CAPN14: variants seen among roughly 807,000 people sequenced by gnomAD.
The protein encoded by CAPN14 is calpain-14.
A neutral mutation model predicts 101.3 loss-of-function variants in CAPN14; 94 were observed. The observed-to-expected ratio is 0.93, with a 90% CI of 0.79 to 1.10. The LOEUF is 1.10. Among genes scored for constraint, CAPN14 ranks in the 50% least tolerant of loss-of-function variants. The pLI is 0.00. For synonymous variants in CAPN14, 338 were observed against 317.9 expected (o/e 1.06, Z -0.67); for missense variants, 837 against 828.4 (o/e 1.01, Z -0.13).
intron 13 of CAPN14, among the ~76,000 whole-genome samples, chr2:31,188,664 A>C (rs4245767): frequency 0.26 from 40,196 of 152,154 alleles, 6,843 homozygotes; most frequent in African/African-American, 0.47. Context: ...CGAGACATAA[A>C]AAACAAACAA....
chr2:31,223,169 C>T (rs546179731), intron 2 of CAPN14, among the ~76,000 whole-genome samples: 48 of 152,250 alleles, frequency 3.2e-4, no homozygotes, highest in African/African-American at 1.0e-3. Context: ...CTGACTAAGA[C>T]AAAAGGAGAA....
At chr2:31,176,821 T>C (rs1680319753) in intron 20 of CAPN14, among the ~76,000 whole-genome samples, 179 bp from the exon 21 acceptor site, 1 of 152,214 alleles carries the variant, frequency 6.6e-6, no homozygotes, top group Non-Finnish European at 1.5e-5. Flanking sequence ...CTTCAAGCCT[T>C]TGTCTCTGGA....
chr2:31,199,363 T>A lies in CAPN14; in HGVS notation c.789+107A>T. On this transcript the variant is annotated intron_variant, in intron 7 of 21. Transcript: ENST00000403897. ...AGGCACAGGGACCCACCAAAGACTT[T>A]ACCCACTCTCCAGATGGTACAGAAA... 5.2e-6 allele frequency: 5 copies of A among 966,756 alleles called. No individual in the cohort carries two copies. In the South Asian group the frequency reaches 7.1e-5, roughly 14 times the overall value. 59.9% of individuals were successfully genotyped at this position (966,756 alleles called of 1,614,324 possible).
chr2:31,194,243 T>C (rs1030928053), intron 9 of CAPN14, among the ~76,000 whole-genome samples, 166 bp downstream of exon 9: 1 of 152,194 alleles, frequency 6.6e-6, no homozygotes, highest in Non-Finnish European at 1.5e-5. Context: ...GACCGTTTAT[T>C]TACAGGCACT....
At chr2:31,202,585 T>G (rs534579778) in intron 3 of CAPN14, among the ~76,000 whole-genome samples, 12 of 152,316 alleles carry the variant, frequency 7.9e-5, no homozygotes, top group African/African-American at 2.9e-4. Flanking sequence ...ATTTATGTTC[T>G]TCTGGGAAAG....
In CAPN14 at chr2:31,199,539, A is replaced by G. The variant is rs748072433; in HGVS notation, c.727-7T>C. The G allele has an allele frequency of 6.5e-6, 10 of 1,550,350 alleles. No homozygotes were observed. In the African/African-American group the frequency reaches 1.4e-4, roughly 21 times the overall value. ...CATTCTCCAGAATCTTCTCCTGCAG[A>G]GACAAGAGAGGTCCTGATCAGTCTT... On this transcript the variant is annotated splice_polypyrimidine_tract_variant and splice_region_variant and intron_variant, in intron 6 of 21. Coordinates refer to ENST00000403897, the MANE Select transcript of CAPN14 (RefSeq NM_001145122.2).
chr2:31,191,480 G>C (rs1681176142), intron 11 of CAPN14, 73 bp from the exon 12 acceptor site: 1 of 1,460,456 alleles, frequency 6.8e-7, no homozygotes, highest in African/African-American at 1.4e-5. Flanking sequence ...AGGGAATCTG[G>C]CTCTTTCATA....
intron 12 of CAPN14, among the ~76,000 whole-genome samples, chr2:31,190,912 G>A (rs938143483): frequency 2.6e-5 from 4 of 152,194 alleles, no homozygotes; most frequent in African/African-American, 7.2e-5. Context: ...GCTGAAGCAC[G>A]GAGGTGTTCT....
At chr2:31,218,770 T>C (rs1271201460), upstream of CAPN14, among the ~76,000 whole-genome samples, 3 of 152,136 alleles carry the variant, frequency 2.0e-5, no homozygotes, top group Non-Finnish European at 1.5e-5. Flanking sequence ...GGGTGTCAGG[T>C]TCCACTAACT....
chr2:31,197,775 G>T (rs1342440933), intron 7 of CAPN14, among the ~76,000 whole-genome samples: 1 of 152,180 alleles, frequency 6.6e-6, no homozygotes, highest in African/African-American at 2.4e-5. Flanking sequence ...CACAGAGAAG[G>T]CCACGTGAAG....
intron 1 of CAPN14, among the ~76,000 whole-genome samples, chr2:31,212,328 C>CA (rs201986833): frequency 0.03 from 4,206 of 139,456 alleles, 162 homozygotes; most frequent in African/African-American, 0.089. Context: ...AAAAAAAAAA[C>CA]AAAAAAAACA....
chr2:31,203,877 T>C (rs754497833), intron 2 of CAPN14, among the ~76,000 whole-genome samples: 25 of 152,200 alleles, frequency 1.6e-4, no homozygotes, highest in Non-Finnish European at 3.2e-4. Flanking sequence ...CCTGAAATCT[T>C]GTAGGTAAAT....
chr2:31,215,480 A>C (rs1682599901), intron 1 of CAPN14, among the ~76,000 whole-genome samples: 1 of 152,138 alleles, frequency 6.6e-6, no homozygotes, highest in Non-Finnish European at 1.5e-5. Context: ...CTGTGTACAC[A>C]AACCCCCACC....
In CAPN14 at chr2:31,230,970, CTG is replaced by C. The variant is rs974583751; in HGVS notation, c.-177+2819_-177+2820del. ...GGCTTCCAAATTTCCTGGCTATTTA[CTG>C]TGTTGTTATTCTGTTGGTCTCTGTG... is the stretch of plus-strand genomic sequence containing the variant. On this transcript the variant is annotated intron_variant and NMD_transcript_variant, in intron 1 of 21. Coordinates refer to the CAPN14 transcript ENST00000398824. This position sits in a 1 kb window ranked among gnomAD's most constrained non-coding sequence, Gnocchi z 4.3. Among the ~76,000 whole-genome samples, 48 of 152,312 alleles carry C rather than the reference CTG, an allele frequency of 3.2e-4. No individual in the cohort carries two copies. Among genetic ancestry groups the C allele is most frequent in the African/African-American group, 1.2e-3 (48 of 41,568 alleles).
At chr2:31,231,179 C>T (rs1683181008) in intron 1 of CAPN14, among the ~76,000 whole-genome samples, 1 of 151,922 alleles carries the variant, frequency 6.6e-6, no homozygotes, top group Admixed American at 6.6e-5. Flanking sequence ...CTTCTTTCTT[C>T]TCCTGGAATA....
chr2:31,193,176 A>G lies in CAPN14; in HGVS notation c.1069T>C (p.Trp357Arg). Residue 357 changes from tryptophan (W) to arginine (R), a missense_variant, in exon 10 of 22, where the codon TGG (tryptophan) becomes CGG (arginine). Transcript: ENST00000403897. Reference sequence around the variant, plus strand: ...CCACCAGCTGTGCTCCGCTTCTCCCATCTCCCCTCCCGCATGGTGTACGTC... The same window carrying G: ...CCACCAGCTGTGCTCCGCTTCTCCCGTCTCCCCTCCCGCATGGTGTACGTC... ...KWTYTMREGR[W>R]EKRSTAGGQR... 6.4e-7 allele frequency: 1 copy of G among 1,551,116 alleles called. No homozygotes were observed. Among genetic ancestry groups the G allele is most frequent in the South Asian group, 1.2e-5 (1 of 84,024 alleles).
At chr2:31,194,828 C>T (rs1681384581) in intron 8 of CAPN14, among the ~76,000 whole-genome samples, 1 of 152,160 alleles carries the variant, frequency 6.6e-6, no homozygotes, top group Admixed American at 6.5e-5. Context: ...TTTCAAAGCT[C>T]ATCATTTGAA....
chr2:31,222,996 TACA>T (rs1682904789), intron 2 of CAPN14, among the ~76,000 whole-genome samples: 1 of 152,178 alleles, frequency 6.6e-6, no homozygotes, highest in Admixed American at 6.5e-5. Context: ...CATGTGAGGA[TACA>T]ACAAGAAGTT....
chr2:31,178,443 C>T, intron 18 of CAPN14, 68 bp downstream of exon 18: 1 of 1,231,726 alleles, frequency 8.1e-7, no homozygotes, highest in Non-Finnish European at 1.2e-6. Context: ...GAAGTATCTT[C>T]TACAGCTTTG....
Sources: allele counts gnomAD v4.1 joint callset (sites outside exome capture counted in the v4.1 genomes callset), GRCh38; gene constraint gnomAD v4.1.1; non-coding constraint Gnocchi (gnomAD v3.1); transcripts MANE v1.5; gene names NCBI Gene and HGNC (gene_info 2026-07-23, HGNC 2026-07-21).